Variants in POLR2F observed in about 807,000 individuals in gnomAD.
The protein encoded by POLR2F is RNA polymerase II, I and III subunit F, also known as DNA-directed RNA polymerases I, II, and III subunit RPABC2.
Under a neutral mutation model 22.7 loss-of-function variants are expected in POLR2F, and 12 were observed. That is an observed-to-expected ratio of 0.53 (90% CI 0.34 to 0.86). The LOEUF is 0.86. Among genes scored for constraint, POLR2F ranks in the 40% least tolerant of loss-of-function variants. The pLI, the probability that POLR2F is intolerant of heterozygous loss-of-function variation, is 0.02. For missense variants in POLR2F, 126 were observed against 171.5 expected (o/e 0.73, Z 1.48); for synonymous variants, 57 against 66.0 (o/e 0.86, Z 0.66).
intron 4 of POLR2F, among the ~76,000 whole-genome samples, chr22:37,979,944 C>T (rs1932344598): frequency 6.6e-6 from 1 of 152,014 alleles, no homozygotes; most frequent in Non-Finnish European, 1.5e-5. Flanking sequence ...CCCCAGTCAG[C>T]AGAAGGCCGA....
downstream of POLR2F, chr22:37,972,183 G>A (rs975960359): frequency 5.4e-6 from 6 of 1,111,102 alleles, no homozygotes; most frequent in Admixed American, 4.7e-5. Context: ...GGAGGGAGGT[G>A]GGAGAGAGAG....
At chr22:37,957,249 A>G (rs1021422840) in intron 2 of POLR2F, among the ~76,000 whole-genome samples, 3 of 152,162 alleles carry the variant, frequency 2.0e-5, no homozygotes, top group Admixed American at 1.3e-4. Flanking sequence ...CTACTGACAA[A>G]CTTTGAGCCA....
rs2085069131 is a variant in POLR2F at position 38,031,865 on chromosome 22, CT to C, written c.453-9202del. 6.6e-6 allele frequency among the ~76,000 whole-genome samples: 1 copy of C among 152,210 alleles called. No individual in the cohort carries two copies. The highest frequency in any genetic ancestry group is 1.5e-5 in the Non-Finnish European group (1 of 68,036). ...TTGACTCATCCATCCCCTTCATCCC[CT>C]ATGGCTAGTCATCGGCCATGACAAT... On this transcript the variant is annotated intron_variant, in intron 5 of 5. Coordinates refer to the POLR2F transcript ENST00000407936. This position sits in a 1 kb window ranked among gnomAD's most constrained non-coding sequence, Gnocchi z 4.1.
In POLR2F at chr22:37,967,395, C is replaced by G. The variant is rs193083518; in HGVS notation, c.293+225C>G. ...GACGTCTTCTGGCTGTTGGAATTTC[C>G]CTGTTCCTGCTGCAGGAGGCCTTAC... On this transcript the variant is annotated intron_variant, in intron 4 of 4. Transcript: ENST00000442738. 34 of 1,435,954 alleles carry G rather than the reference C, an allele frequency of 2.4e-5. No homozygotes were observed. In the Admixed American group the frequency reaches 5.8e-4, roughly 25 times the overall value. The allele number at this position is 1,435,954 out of a possible 1,614,324, so 89.0% of individuals were successfully genotyped here. A position where few individuals can be genotyped will look rare whatever the true frequency, so the allele number is the denominator to read the frequency against.
At position 37,967,831 on chromosome 22, in the gene POLR2F, C is replaced by CA; in HGVS notation, c.*117dup. ...CTTCCCCTCTGCTTATCTGCAATGT[C>CA]ACCACCTGTTGCTTCCCCGTTACCG... On this transcript the variant is annotated 3_prime_UTR_variant, in exon 5 of 5. Coordinates refer to ENST00000442738, the MANE Select transcript of POLR2F (RefSeq NM_021974.5). 1 of 1,454,846 alleles carries CA rather than the reference C, an allele frequency of 6.9e-7. No individual in the cohort carries two copies. The highest frequency in any genetic ancestry group is 9.0e-7 in the Non-Finnish European group (1 of 1,106,990). 90.1% of individuals were successfully genotyped at this position (1,454,846 alleles called of 1,614,324 possible).
At chr22:38,001,995 T>G (rs1236226841) in intron 1 of POLR2F, among the ~76,000 whole-genome samples, 1 of 151,644 alleles carries the variant, frequency 6.6e-6, no homozygotes, top group Non-Finnish European at 1.5e-5. Flanking sequence ...GCCTGTATTT[T>G]GTAAAAATAC....
chr22:37,955,188 A>G (rs2145726470), intron 1 of POLR2F, among the ~76,000 whole-genome samples: 1 of 150,714 alleles, frequency 6.6e-6, no homozygotes, highest in Admixed American at 6.6e-5. Context: ...AGGGGGAGAG[A>G]GAAGAGAAAT....
At chr22:37,977,126 C>T (rs1354317141) in intron 4 of POLR2F, among the ~76,000 whole-genome samples, 3 of 150,148 alleles carry the variant, frequency 2.0e-5, no homozygotes, top group African/African-American at 7.4e-5. Context: ...CGAGATCATG[C>T]CACTGCAGTC....
chr22:38,033,128 C>T (rs962849336), intron 5 of POLR2F: 3 of 161,698 alleles, frequency 1.9e-5, no homozygotes, highest in African/African-American at 7.3e-5. Context: ...TACCGCACTC[C>T]AGCCTGGGCC....
downstream of POLR2F, among the ~76,000 whole-genome samples, chr22:38,030,230 G>A (rs913877475): frequency 6.6e-5 from 10 of 152,166 alleles, no homozygotes; most frequent in African/African-American, 2.4e-4. Flanking sequence ...CCCCAGATAG[G>A]GCTGGGAGCT....
At chr22:37,983,368 G>A, upstream of POLR2F, 1 of 1,608,416 alleles carries the variant, frequency 6.2e-7, no homozygotes, top group Non-Finnish European at 8.5e-7. The surrounding 1 kb of genome is among the most constrained non-coding windows in gnomAD (Gnocchi z 9.5). Context: ...TCCAGAGCTT[G>A]CCCAGCGTCT....
Position 37,978,197 on chromosome 22 carries a change from C to G in POLR2F, c.293+11027C>G. On this transcript the variant is annotated intron_variant, in intron 4 of 4. Coordinates refer to the POLR2F transcript ENST00000405557. This position sits in a 1 kb window ranked among gnomAD's most constrained non-coding sequence, Gnocchi z 5.0. The stretch of plus-strand genomic sequence containing the variant: ...GGCTGGCGTGAATGCCAGAGCACTC[C>G]AGGTTGGCCTCCCTCTGAGTGTCCA... 6.9e-7 allele frequency: 1 copy of G among 1,449,166 alleles called. No individual in the cohort carries two copies. Among genetic ancestry groups the G allele is most frequent in the Non-Finnish European group, 9.1e-7 (1 of 1,099,244 alleles). 89.8% of individuals were successfully genotyped at this position (1,449,166 alleles called of 1,614,324 possible).
chr22:37,969,569 G>A (rs560508317), downstream of POLR2F, among the ~76,000 whole-genome samples: 1 of 152,236 alleles, frequency 6.6e-6, no homozygotes, highest in East Asian at 1.9e-4. Context: ...TCTTCCGGAT[G>A]TGCCCCCTGC....
At chr22:38,030,498 C>T (rs1045869701), downstream of POLR2F, among the ~76,000 whole-genome samples, 1 of 152,158 alleles carries the variant, frequency 6.6e-6, no homozygotes, top group East Asian at 1.9e-4. Context: ...ACTGCCACAC[C>T]CTGGGTTATA....
At chr22:37,967,028 C>A in intron 3 of POLR2F, 71 bp from the exon 4 acceptor site, 1 of 1,145,260 alleles carries the variant, frequency 8.7e-7, no homozygotes, top group Non-Finnish European at 1.3e-6. Context: ...GATGCCGTTC[C>A]ACCCTCACTG....
downstream of POLR2F, chr22:37,972,092 GGGA>G: frequency 3.0e-6 from 1 of 338,730 alleles, no homozygotes; most frequent in African/African-American, 2.6e-5. Context: ...AGGGGGAGGG[GGGA>G]GAGAGAGAGA....
Position 37,968,105 on chromosome 22 carries a change from G to A in POLR2F, c.*390G>A. 1 of 996,494 alleles carries A rather than the reference G, an allele frequency of 1.0e-6. No individual in the cohort carries two copies. Among genetic ancestry groups the A allele is most frequent in the Non-Finnish European group, 1.2e-6 (1 of 836,582 alleles). The allele number at this position is 996,494 out of a possible 1,614,324, so 61.7% of individuals were successfully genotyped here. On this transcript the variant is annotated 3_prime_UTR_variant, in exon 5 of 5. Transcript: ENST00000442738. ...CTTTCCAGTGGGGACTGGCTGCAGG[G>A]GCTTCTCCCTTCTCAGGAGTATCAC...
Position 38,017,988 on chromosome 22 carries a change from A to AT in POLR2F, c.121-7880dup. On this transcript the variant is annotated intron_variant, in intron 1 of 2. Transcript: ENST00000333418. The surrounding 1 kb of genome is among the most constrained non-coding windows in gnomAD (Gnocchi z 4.1). Reference sequence around the variant, plus strand: ...ATAATGTGGGCCCTATAACGTGGCCATAAGGTGGAACGTTATCCAGATCCT... The same window carrying AT: ...ATAATGTGGGCCCTATAACGTGGCCATTAAGGTGGAACGTTATCCAGATCCT... 6.6e-6 allele frequency among the ~76,000 whole-genome samples: 1 copy of AT among 152,332 alleles called. No individual in the cohort carries two copies. The highest frequency in any genetic ancestry group is 2.1e-4 in the South Asian group (1 of 4,830).
chr22:37,976,790 G>A (rs952048373), intron 4 of POLR2F, among the ~76,000 whole-genome samples: 28 of 152,212 alleles, frequency 1.8e-4, no homozygotes, highest in African/African-American at 6.5e-4. Flanking sequence ...GCCTGGAACA[G>A]AGTAGCTGCT....
Sources: allele counts gnomAD v4.1 joint callset (sites outside exome capture counted in the v4.1 genomes callset), GRCh38; gene constraint gnomAD v4.1.1; non-coding constraint Gnocchi (gnomAD v3.1); transcripts MANE v1.5; gene names NCBI Gene and HGNC (gene_info 2026-07-23, HGNC 2026-07-21).